Variants in ARID4B observed in about 807,000 individuals in gnomAD.
ARID4B encodes the protein AT-rich interactive domain-containing protein 4B.
A neutral mutation model predicts 147.5 loss-of-function variants in ARID4B; 26 were observed. The ratio of observed to expected loss-of-function variants is 0.18; its 90% CI spans 0.13 to 0.24. The LOEUF (loss-of-function observed/expected upper bound fraction) is 0.24. ARID4B is among the 10% of genes least tolerant of loss of function. ARID4B has a pLI of 1.00. For synonymous variants in ARID4B, 512 were observed against 507.9 expected (o/e 1.01, Z -0.11); for missense variants, 1,179 against 1,511.5 (o/e 0.78, Z 3.65).
At chr1:235,297,448 T>C (rs1672816647) in intron 2 of ARID4B, among the ~76,000 whole-genome samples, 1 of 152,204 alleles carries the variant, frequency 6.6e-6, no homozygotes. Flanking sequence ...AATAAAAGTT[T>C]TCTTTACAAA....
At chr1:235,296,981 A>G (rs1300486564) in intron 2 of ARID4B, among the ~76,000 whole-genome samples, 2 of 152,020 alleles carry the variant, frequency 1.3e-5, no homozygotes, top group African/African-American at 4.8e-5. Context: ...CCACTTGAGA[A>G]AACCAGGGCT....
chr1:235,218,765 A>G (rs756956272), intron 16 of ARID4B, among the ~76,000 whole-genome samples: 4 of 152,138 alleles, frequency 2.6e-5, no homozygotes, highest in Non-Finnish European at 4.4e-5. Context: ...ACAACAAAGT[A>G]TAATAAACAT....
chr1:235,210,053 C>A (rs566588874), intron 17 of ARID4B, among the ~76,000 whole-genome samples: 1 of 151,950 alleles, frequency 6.6e-6, no homozygotes, highest in Non-Finnish European at 1.5e-5. Context: ...CATAGTGAGA[C>A]CCCATCTCTA....
Position 235,194,101 on chromosome 1 carries a change from T to C in ARID4B, c.2037A>G (p.Val679=), listed in dbSNP as rs746537514. Residue 679 remains valine, a synonymous_variant, in exon 19 of 24, where the codon GTA becomes GTG. Coordinates refer to ENST00000264183, the MANE Select transcript of ARID4B (RefSeq NM_016374.6). ...PFQTNPSPEM[V]SKLDLTDAKN... is the part of the protein sequence containing the mutation. ...TGGCATCAGTGAGATCCAGTTTGGA[T>C]ACCATTTCAGGAGATGGATTTGTCT... 6.2e-7 allele frequency: 1 copy of C among 1,613,012 alleles called. No homozygotes were observed.
intron 8 of ARID4B, among the ~76,000 whole-genome samples, chr1:235,238,288 AAT>A (rs1325109035): frequency 6.6e-6 from 1 of 152,218 alleles, no homozygotes; most frequent in East Asian, 1.9e-4. Flanking sequence ...ATACCTAACA[AAT>A]ATGTGTTAAT....
At chr1:235,269,964 G>C (rs1670868982) in intron 2 of ARID4B, among the ~76,000 whole-genome samples, 1 of 151,044 alleles carries the variant, frequency 6.6e-6, no homozygotes, top group Non-Finnish European at 1.5e-5. Flanking sequence ...TTTTTTGCTG[G>C]ATTGTAAGAG....
chr1:235,325,898 G>T (rs536547030), intron 2 of ARID4B, among the ~76,000 whole-genome samples: 4 of 152,194 alleles, frequency 2.6e-5, no homozygotes. Context: ...TAATTTGGAT[G>T]CAAAATTGTC....
intron 16 of ARID4B, among the ~76,000 whole-genome samples, chr1:235,214,299 G>T (rs563450140): frequency 2.0e-5 from 3 of 152,068 alleles, no homozygotes; most frequent in Non-Finnish European, 2.9e-5. Flanking sequence ...AATTTGTGCC[G>T]AACAGCAAGA....
chr1:235,252,396 C>T (rs1159799320), intron 6 of ARID4B, among the ~76,000 whole-genome samples: 2 of 152,070 alleles, frequency 1.3e-5, no homozygotes, highest in African/African-American at 2.4e-5. Context: ...CCTTTAACTA[C>T]GACAAGGATC....
chr1:235,215,864 T>C (rs918986773), intron 16 of ARID4B, among the ~76,000 whole-genome samples: 5 of 151,794 alleles, frequency 3.3e-5, no homozygotes, highest in Admixed American at 2.0e-4. Flanking sequence ...GCTGGGATTA[T>C]AGGTGTGAGC....
chr1:235,233,010 G>A (rs568427078), intron 9 of ARID4B, among the ~76,000 whole-genome samples: 2 of 152,138 alleles, frequency 1.3e-5, no homozygotes, highest in South Asian at 4.2e-4. Context: ...GCTAATTTTT[G>A]TATTTTTAGT....
intron 16 of ARID4B, among the ~76,000 whole-genome samples, chr1:235,215,817 G>A (rs1209023722): frequency 2.0e-5 from 3 of 151,122 alleles, no homozygotes; most frequent in Admixed American, 2.0e-4. Context: ...TTGAACTCCC[G>A]GGCTCAAGCA....
chr1:235,283,056 G>A (rs886224969), intron 2 of ARID4B, among the ~76,000 whole-genome samples: 33 of 152,164 alleles, frequency 2.2e-4, no homozygotes, highest in African/African-American at 7.2e-4. Context: ...GATTACAGGC[G>A]TGAGCCACCG....
intron 2 of ARID4B, among the ~76,000 whole-genome samples, chr1:235,295,222 G>T (rs979789065): frequency 2.0e-5 from 3 of 152,078 alleles, no homozygotes; most frequent in Non-Finnish European, 2.9e-5. Context: ...GATAAAAAAT[G>T]ATATAGGCCG....
chr1:235,177,539 A>G, intron 21 of ARID4B: 1 of 269,636 alleles, frequency 3.7e-6, no homozygotes, highest in Non-Finnish European at 6.9e-6. Context: ...GGTTTGTTAC[A>G]TAGGTATACA....
At chr1:235,205,922 G>A (rs1487440698) in intron 17 of ARID4B, among the ~76,000 whole-genome samples, 8 of 152,120 alleles carry the variant, frequency 5.3e-5, no homozygotes, top group Admixed American at 1.3e-4. Context: ...AATGTAAAAC[G>A]GTGTCGTCTC....
chr1:235,303,802 C>G (rs1358029223), intron 2 of ARID4B, among the ~76,000 whole-genome samples: 1 of 152,134 alleles, frequency 6.6e-6, no homozygotes, highest in East Asian at 1.9e-4. Context: ...ATTAGGTGCA[C>G]AGGTAATAAG....
chr1:235,265,161 C>T (rs1572108605), intron 2 of ARID4B, among the ~76,000 whole-genome samples: 1 of 150,174 alleles, frequency 6.7e-6, no homozygotes, highest in African/African-American at 2.5e-5. Flanking sequence ...GTCAGGCATT[C>T]GAGACCAGCC....
chr1:235,224,591 G>A, intron 12 of ARID4B, 112 bp downstream of exon 12: 1 of 728,130 alleles, frequency 1.4e-6, no homozygotes, highest in East Asian at 2.7e-5. Context: ...CAAAAAGACA[G>A]CCATAATTAC....
Sources: gnomAD v4.1 joint callset for allele counts (sites outside exome capture counted in the v4.1 genomes callset) on GRCh38, gnomAD v4.1.1 for gene constraint, MANE v1.5 for transcripts, NCBI Gene and HGNC (gene_info 2026-07-23, HGNC 2026-07-21) for gene names.